PYY: variants seen among roughly 807,000 people sequenced by gnomAD.
PYY encodes peptide YY.
In PYY, 12 loss-of-function variants were observed where a neutral mutation model predicts 10.3. That is an observed-to-expected ratio of 1.17 (90% CI 0.75 to 1.89). PYY has a LOEUF of 1.89. Among genes scored for constraint, PYY ranks in the 40% most tolerant of loss-of-function variants. PYY has a pLI of 0.00. For missense variants in PYY, 141 were observed against 134.0 expected, an observed-to-expected ratio of 1.05 and a Z score of -0.26; for synonymous variants, 66 against 62.0, an observed-to-expected ratio of 1.06 and a Z score of -0.30.
At chr17:43,997,108 G>A (rs2048996914) in intron 1 of PYY, among the ~76,000 whole-genome samples, 1 of 151,730 alleles carries the variant, frequency 6.6e-6, no homozygotes, top group Non-Finnish European at 1.5e-5. Context: ...GCATGATCTC[G>A]ACTCACTGCA....
At chr17:43,997,961 CAG>C (rs1221436176) in intron 1 of PYY, among the ~76,000 whole-genome samples, 2 of 151,814 alleles carry the variant, frequency 1.3e-5, no homozygotes, top group African/African-American at 4.8e-5. Context: ...TTTTTTGAGA[CAG>C]AGTCTCACTC....
intron 2 of PYY, among the ~76,000 whole-genome samples, chr17:43,961,326 T>C (rs1341311088): frequency 1.3e-5 from 2 of 151,748 alleles, no homozygotes; most frequent in Non-Finnish European, 2.9e-5. Context: ...ACCTAGGTGA[T>C]GGGATGATTT....
chr17:43,959,113 A>G (rs1377812820), intron 2 of PYY, among the ~76,000 whole-genome samples: 1 of 152,222 alleles, frequency 6.6e-6, no homozygotes, highest in Non-Finnish European at 1.5e-5. Flanking sequence ...GATTTATGCA[A>G]GAAAGTCAAA....
intron 1 of PYY, among the ~76,000 whole-genome samples, chr17:43,973,446 A>T (rs2048808577): frequency 6.6e-6 from 1 of 152,222 alleles, no homozygotes; most frequent in African/African-American, 2.4e-5. Flanking sequence ...CCCTTGAGGC[A>T]TTCATCCAGC....
At chr17:44,001,171 T>C (rs2049024106) in intron 1 of PYY, among the ~76,000 whole-genome samples, 1 of 152,152 alleles carries the variant, frequency 6.6e-6, no homozygotes, top group Admixed American at 6.5e-5. Flanking sequence ...CCAATTCCTG[T>C]CACATTCATG....
chr17:43,981,536 C>T (rs529925796), intron 1 of PYY, among the ~76,000 whole-genome samples: 1 of 152,194 alleles, frequency 6.6e-6, no homozygotes, highest in Admixed American at 6.5e-5. Flanking sequence ...GTCGCCCAGG[C>T]TGGAGTGTAA....
intron 1 of PYY, among the ~76,000 whole-genome samples, chr17:43,973,623 C>A (rs9899479): frequency 1.3e-5 from 2 of 151,954 alleles, no homozygotes; most frequent in African/African-American, 4.8e-5. Context: ...GGTGAAACCC[C>A]GTCTCTACTA....
At chr17:43,988,564 A>G (rs1215072411) in intron 1 of PYY, among the ~76,000 whole-genome samples, 1 of 152,158 alleles carries the variant, frequency 6.6e-6, no homozygotes, top group Non-Finnish European at 1.5e-5. Context: ...CTCAGAGCGG[A>G]GTTGAAACCA....
At chr17:43,995,178 G>C (rs1364227693) in intron 1 of PYY, among the ~76,000 whole-genome samples, 1 of 152,202 alleles carries the variant, frequency 6.6e-6, no homozygotes, top group Non-Finnish European at 1.5e-5. Flanking sequence ...GGCTGGACCT[G>C]CGCCCTGAGT....
Position 43,963,570 on chromosome 17 carries a change from AAAAGAAAGAAAGAAAGAAAGAAAG to A in PYY, c.-218+2694_-218+2717del, listed in dbSNP as rs1162426873. On this transcript the variant is annotated intron_variant, in intron 2 of 6. Coordinates refer to the PYY transcript ENST00000360085. ...AAGGGAAGGAAGGAAGGAAGGAAGG[AAAAGAAAGAAAGAAAGAAAGAAAG>A]AAAGAAAGAAAGAAAGAAAGAAAGA... Among the ~76,000 whole-genome samples the A allele has an allele frequency of 2.3e-3, 238 of 104,674 alleles. 1 individual carries two copies. Among genetic ancestry groups the A allele is most frequent in the African/African-American group, 7.8e-3 (216 of 27,680 alleles). The allele number at this position is 104,674 out of a possible 152,430, so 68.7% of individuals were successfully genotyped here.
At chr17:43,957,781 G>A (rs1180997058), upstream of PYY, among the ~76,000 whole-genome samples, 1 of 152,164 alleles carries the variant, frequency 6.6e-6, no homozygotes, top group African/African-American at 2.4e-5. Context: ...AGACCACGTT[G>A]GAGGATCGCT....
At chr17:43,954,339 G>C (rs1356371565), upstream of PYY, among the ~76,000 whole-genome samples, 1 of 152,190 alleles carries the variant, frequency 6.6e-6, no homozygotes, top group Non-Finnish European at 1.5e-5. Flanking sequence ...ATTCCCTCCA[G>C]TCCGTGGGAT....
At position 43,989,442 on chromosome 17, in the gene PYY, A is replaced by G. The variant is rs188466668; in HGVS notation, c.-463+14949T>C. 1.4e-3 allele frequency among the ~76,000 whole-genome samples: 216 copies of G among 152,200 alleles called. 2 individuals carry two copies. The highest frequency in any genetic ancestry group is 5.0e-3 in the African/African-American group (206 of 41,536). ...ATTTGCCATCTTAATTTTTGGAGGA[A>G]CTGCCATACTGCTTCCATAGCAGCC... On this transcript the variant is annotated intron_variant, in intron 1 of 6. Coordinates refer to the PYY transcript ENST00000360085.
intron 1 of PYY, among the ~76,000 whole-genome samples, chr17:43,978,387 A>G (rs2048862441): frequency 6.7e-6 from 1 of 148,776 alleles, no homozygotes; most frequent in Non-Finnish European, 1.5e-5. Context: ...TGGGTATGAT[A>G]GCTCACACCT....
At chr17:43,957,660 T>A (rs184739425), upstream of PYY, among the ~76,000 whole-genome samples, 248 of 150,950 alleles carry the variant, frequency 1.6e-3, no homozygotes, top group African/African-American at 5.9e-3. Context: ...CTGTCTCAAA[T>A]AAATGAATAA....
At chr17:44,001,719 C>G (rs1597862252) in intron 1 of PYY, among the ~76,000 whole-genome samples, 1 of 151,678 alleles carries the variant, frequency 6.6e-6, no homozygotes, top group South Asian at 2.1e-4. Context: ...GGCAATGGAG[C>G]TGATTCAGTC....
chr17:43,998,932 A>G (rs965662396), intron 1 of PYY, among the ~76,000 whole-genome samples: 2 of 152,208 alleles, frequency 1.3e-5, no homozygotes, highest in Admixed American at 1.3e-4. Context: ...ACAGATCTGC[A>G]GTTCAGAAGA....
At chr17:43,988,912 A>C (rs974350550) in intron 1 of PYY, among the ~76,000 whole-genome samples, 8 of 151,622 alleles carry the variant, frequency 5.3e-5, no homozygotes, top group Admixed American at 6.6e-5. Context: ...ACAGGCATGC[A>C]CCAACACACC....
At chr17:43,969,494 TGATA>T (rs2143915291) in intron 1 of PYY, among the ~76,000 whole-genome samples, 2 of 121,322 alleles carry the variant, frequency 1.6e-5, no homozygotes, top group South Asian at 5.5e-4. Context: ...CCAGCCTGGG[TGATA>T]GAGCAAGACT....
Sources: gnomAD v4.1 joint callset for allele counts (sites outside exome capture counted in the v4.1 genomes callset) on GRCh38, gnomAD v4.1.1 for gene constraint, MANE v1.5 for transcripts, NCBI Gene and HGNC (gene_info 2026-07-23, HGNC 2026-07-21) for gene names.